UNC5D: variants seen among roughly 807,000 people sequenced by gnomAD.
UNC5D encodes netrin receptor UNC5D.
Under a neutral mutation model 105.4 loss-of-function variants are expected in UNC5D, and 39 were observed. The observed-to-expected ratio is 0.37, with a 90% CI of 0.29 to 0.48. UNC5D has a LOEUF of 0.48. Among genes scored for constraint, UNC5D ranks in the 20% least tolerant of loss-of-function variants. UNC5D has a pLI of 0.98. For missense variants in UNC5D, 991 were observed against 1,202.4 expected (o/e 0.82, Z 2.60); for synonymous variants, 452 against 450.4 (o/e 1.00, Z -0.04).
chr8:35,584,789 T>G (rs1002423578), intron 3 of UNC5D, among the ~76,000 whole-genome samples: 2 of 152,136 alleles, frequency 1.3e-5, no homozygotes, highest in Admixed American at 1.3e-4. Flanking sequence ...GGCTATGTTA[T>G]AGCCTTTGTA....
At chr8:35,476,858 G>A (rs1460414677) in intron 1 of UNC5D, among the ~76,000 whole-genome samples, 1 of 152,110 alleles carries the variant, frequency 6.6e-6, no homozygotes. Flanking sequence ...CACAGCCCAG[G>A]GCTTGGACGT....
At chr8:35,753,147 A>C (rs903958510) in intron 13 of UNC5D, among the ~76,000 whole-genome samples, 1 of 152,194 alleles carries the variant, frequency 6.6e-6, no homozygotes, top group South Asian at 2.1e-4. Flanking sequence ...AAACACCATA[A>C]CCATAGCTTT....
At chr8:35,545,983 C>A (rs1033396003) in intron 1 of UNC5D, among the ~76,000 whole-genome samples, 2 of 152,218 alleles carry the variant, frequency 1.3e-5, no homozygotes, top group East Asian at 1.9e-4. Flanking sequence ...CAGCCTCTAC[C>A]CCCTGAGCTC....
At chr8:35,610,523 C>G (rs1170385090) in intron 4 of UNC5D, among the ~76,000 whole-genome samples, 1 of 152,078 alleles carries the variant, frequency 6.6e-6, no homozygotes, top group Non-Finnish European at 1.5e-5. Flanking sequence ...CCGAGGGGGA[C>G]AAGGAGCCTG....
intron 1 of UNC5D, among the ~76,000 whole-genome samples, chr8:35,282,439 A>G (rs959560666): frequency 2.6e-5 from 4 of 152,164 alleles, no homozygotes; most frequent in Admixed American, 2.0e-4. Flanking sequence ...AATTACTTCT[A>G]TAATTGGATT....
chr8:35,333,045 G>C (rs1409150333), intron 1 of UNC5D, among the ~76,000 whole-genome samples: 1 of 152,134 alleles, frequency 6.6e-6, no homozygotes, highest in East Asian at 1.9e-4. Flanking sequence ...TTTGCACATA[G>C]CTAAAGATAT....
intron 1 of UNC5D, among the ~76,000 whole-genome samples, chr8:35,521,261 AAAG>A (rs1271515716): frequency 1.3e-5 from 2 of 152,150 alleles, no homozygotes; most frequent in South Asian, 4.1e-4. Flanking sequence ...AGAAAATAAC[AAAG>A]AAGAAGACGA....
At chr8:35,497,666 AC>A (rs1422777307) in intron 1 of UNC5D, among the ~76,000 whole-genome samples, 2 of 151,420 alleles carry the variant, frequency 1.3e-5, no homozygotes, top group African/African-American at 4.9e-5. Flanking sequence ...AAAAAAAAAG[AC>A]GGGGGAATAA....
chr8:35,681,887 T>C (rs1401784723), intron 4 of UNC5D, among the ~76,000 whole-genome samples: 2 of 152,178 alleles, frequency 1.3e-5, no homozygotes, highest in Non-Finnish European at 2.9e-5. Context: ...CCTAATATGT[T>C]TTCCCCTGGT....
intron 1 of UNC5D, among the ~76,000 whole-genome samples, chr8:35,281,600 C>A (rs997915059): frequency 6.6e-6 from 1 of 152,006 alleles, no homozygotes; most frequent in African/African-American, 2.4e-5. Context: ...CCACCACGCC[C>A]AGCCCTCTTC....
intron 1 of UNC5D, among the ~76,000 whole-genome samples, chr8:35,362,562 C>G (rs1801913685): frequency 6.6e-6 from 1 of 152,166 alleles, no homozygotes; most frequent in Non-Finnish European, 1.5e-5. Context: ...TAATTAGGCT[C>G]TAAGGTATAG....
intron 1 of UNC5D, among the ~76,000 whole-genome samples, chr8:35,243,178 T>A (rs1451410833): frequency 1.3e-5 from 2 of 152,178 alleles, no homozygotes; most frequent in African/African-American, 4.8e-5. Context: ...GTTTTCTATT[T>A]TCAATATTGT....
chr8:35,733,692 G>A (rs964774497), intron 11 of UNC5D, among the ~76,000 whole-genome samples: 5 of 152,164 alleles, frequency 3.3e-5, no homozygotes, highest in Non-Finnish European at 7.3e-5. Flanking sequence ...ATACATTTAT[G>A]TTGCCCATGT....
intron 16 of UNC5D, among the ~76,000 whole-genome samples, chr8:35,778,218 T>C (rs1426629147): frequency 6.6e-6 from 1 of 152,216 alleles, no homozygotes; most frequent in African/African-American, 2.4e-5. Context: ...TTCAGGCTGG[T>C]GTGGTTACAG....
At chr8:35,473,741 A>G (rs553070325) in intron 1 of UNC5D, among the ~76,000 whole-genome samples, 3 of 152,298 alleles carry the variant, frequency 2.0e-5, no homozygotes, top group South Asian at 4.1e-4. Flanking sequence ...AATTAACAAT[A>G]TAACAGTGAT....
intron 1 of UNC5D, among the ~76,000 whole-genome samples, chr8:35,526,538 T>C (rs1278267049): frequency 6.6e-6 from 1 of 152,188 alleles, no homozygotes; most frequent in Non-Finnish European, 1.5e-5. Context: ...ATTCACAGGG[T>C]AAAATGGAAG....
intron 2 of UNC5D, among the ~76,000 whole-genome samples, chr8:35,562,639 C>A (rs1294197647): frequency 6.6e-6 from 1 of 151,940 alleles, no homozygotes; most frequent in Non-Finnish European, 1.5e-5. Context: ...AGGTCTTGAT[C>A]TTTTGCCCAT....
chr8:35,776,021 C>G (rs1268150991), intron 16 of UNC5D, among the ~76,000 whole-genome samples: 1 of 152,202 alleles, frequency 6.6e-6, no homozygotes, highest in Non-Finnish European at 1.5e-5. Context: ...GATGTCTTGT[C>G]TATGATCAGT....
chr8:35,543,869 C>T (rs1349998827), intron 1 of UNC5D, among the ~76,000 whole-genome samples: 43 of 152,152 alleles, frequency 2.8e-4, no homozygotes, highest in Non-Finnish European at 4.4e-5. Context: ...AGAAGTGACT[C>T]ACAGATAATG....
Sources: gnomAD v4.1 joint callset for allele counts (sites outside exome capture counted in the v4.1 genomes callset) on GRCh38, gnomAD v4.1.1 for gene constraint, MANE v1.5 for transcripts, NCBI Gene and HGNC (gene_info 2026-07-23, HGNC 2026-07-21) for gene names.